PNPLA6: variants seen among roughly 807,000 people sequenced by gnomAD.
The protein encoded by PNPLA6 is patatin like domain 6, lysophospholipase.
Under a neutral mutation model 153.7 loss-of-function variants are expected in PNPLA6, and 105 were observed. The observed-to-expected ratio is 0.68, with a 90% CI of 0.58 to 0.80. PNPLA6 has a LOEUF of 0.80. Ranked by LOEUF, PNPLA6 falls within the 30% of genes least tolerant of loss-of-function variation. The pLI, the probability that PNPLA6 is intolerant of heterozygous loss-of-function variation, is 0.00. For missense variants in PNPLA6, 1,423 were observed against 1,919.3 expected, an observed-to-expected ratio of 0.74 and a Z score of 4.83; for synonymous variants, 825 against 822.2, an observed-to-expected ratio of 1.00 and a Z score of -0.06.
intron 16 of PNPLA6, 80 bp downstream of exon 16, chr19:7,550,720 A>C: frequency 2.0e-6 from 3 of 1,534,342 alleles, no homozygotes; most frequent in Non-Finnish European, 2.7e-6. Context: ...ATCCCGGGTA[A>C]TCCAGGGAGT....
chr19:7,556,981 ACGTC>A, intron 26 of PNPLA6, 183 bp from the exon 27 acceptor site: 1 of 720,564 alleles, frequency 1.4e-6, no homozygotes, highest in Non-Finnish European at 2.5e-6. Context: ...GTGTGGCGTT[ACGTC>A]CGGGCCAGCG....
intron 13 of PNPLA6, among the ~76,000 whole-genome samples, chr19:7,543,809 T>C (rs1042125828): frequency 4.6e-5 from 7 of 151,920 alleles, no homozygotes; most frequent in African/African-American, 1.7e-4. Context: ...GACTTCTTTT[T>C]TTTCTTTTTT....
chr19:7,561,127 AC>A lies in PNPLA6; in HGVS notation c.3913+23del, dbSNP rs11307097. Reference sequence around the variant, plus strand: ...GTGCTGACGGTGAGGGGCCCAGGGGACCCCCCAAGAGGGAGGGGAGTGGCTG... The same window carrying A: ...GTGCTGACGGTGAGGGGCCCAGGGGACCCCCAAGAGGGAGGGGAGTGGCTG... On this transcript the variant is annotated intron_variant, in intron 30 of 31. Transcript: ENST00000600737. 0.54 allele frequency: 868,969 copies of A among 1,597,280 alleles called. 239,373 individuals are homozygous for A. Among genetic ancestry groups the A allele is most frequent in the African/African-American group, 0.7 (52,464 of 74,684 alleles).
At chr19:7,557,377 G>A in intron 27 of PNPLA6, 93 bp downstream of exon 27, 1 of 827,692 alleles carries the variant, frequency 1.2e-6, no homozygotes, top group Non-Finnish European at 2.0e-6. Context: ...CTCGATGACG[G>A]GACACATGCC....
chr19:7,552,670 G>A (rs764335486), intron 18 of PNPLA6, among the ~76,000 whole-genome samples: 10 of 149,542 alleles, frequency 6.7e-5, no homozygotes, highest in South Asian at 4.2e-4. Context: ...CAGGAGAATC[G>A]CTTGAACCGG....
In PNPLA6 at chr19:7,561,200, G is replaced by A. The variant is rs374861157; in HGVS notation, c.3914-8G>A. On this transcript the variant is annotated splice_region_variant and splice_polypyrimidine_tract_variant and intron_variant, in intron 30 of 31. Coordinates refer to ENST00000600737, the MANE Select transcript of PNPLA6 (RefSeq NM_001166114.2). ...TCCCCTCACCTGTGCCCTGCTCCCC[G>A]ATTCCAGGAGAGGAGTCAGATTGTC... 151 of 1,603,870 alleles carry A rather than the reference G, an allele frequency of 9.4e-5. No individual in the cohort carries two copies. In the African/African-American group the frequency reaches 1.2e-3, roughly 12 times the overall value.
intron 13 of PNPLA6, among the ~76,000 whole-genome samples, chr19:7,544,425 T>C (rs1413924995): frequency 6.6e-6 from 1 of 152,200 alleles, no homozygotes; most frequent in Non-Finnish European, 1.5e-5. Context: ...TGAGACATTT[T>C]TGATTGTTAG....
chr19:7,538,559 G>T (rs1305809369), intron 3 of PNPLA6, among the ~76,000 whole-genome samples: 1 of 152,164 alleles, frequency 6.6e-6, no homozygotes, highest in South Asian at 2.1e-4. Flanking sequence ...TCTATCTCAG[G>T]GATCTTTTGC....
rs767553399 is a variant in PNPLA6 at position 7,550,646 on chromosome 19, C to T, written c.2070+6C>T. On this transcript the variant is annotated splice_donor_region_variant and intron_variant, in intron 16 of 31. Coordinates refer to ENST00000600737, the MANE Select transcript of PNPLA6 (RefSeq NM_001166114.2). ...GCGGCGACCTCATCGGCGTGGTGAG[C>T]GCGACCCCCACCCACTGACCTCTGG... 4 of 1,609,844 alleles carry T rather than the reference C, an allele frequency of 2.5e-6. No homozygotes were observed. The highest frequency in any genetic ancestry group is 3.4e-6 in the Non-Finnish European group (4 of 1,179,510).
intron 1 of PNPLA6, 50 bp from the exon 2 acceptor site, chr19:7,536,141 G>A (rs750216302): frequency 1.3e-5 from 20 of 1,521,880 alleles, no homozygotes; most frequent in Non-Finnish European, 1.8e-5. Flanking sequence ...GCTCTGGCAG[G>A]GTGGAGTCTG....
chr19:7,552,769 G>GA (rs2023710795), intron 18 of PNPLA6, among the ~76,000 whole-genome samples: 1 of 26,074 alleles, frequency 3.8e-5, no homozygotes. Flanking sequence ...AAAAAAAAAA[G>GA]AAAGAAAAAA....
chr19:7,547,508 C>A (rs492728), intron 13 of PNPLA6, among the ~76,000 whole-genome samples: 1 of 151,958 alleles, frequency 6.6e-6, no homozygotes, highest in Non-Finnish European at 1.5e-5. Flanking sequence ...TTTACTCTTA[C>A]TTTTTTTAGA....
chr19:7,539,892 C>A, intron 3 of PNPLA6, 26 bp from the exon 4 acceptor site: 4 of 1,494,486 alleles, frequency 2.7e-6, no homozygotes, highest in Non-Finnish European at 2.7e-6. Context: ...CCCCCCTCAC[C>A]CCCGGCACCC....
At chr19:7,557,022 C>A in intron 26 of PNPLA6, 146 bp from the exon 27 acceptor site, 1 of 796,642 alleles carries the variant, frequency 1.3e-6, no homozygotes. Context: ...CCTGCCCCCA[C>A]TGTGCGACCC....
chr19:7,553,064 C>A (rs2023724590), intron 18 of PNPLA6, among the ~76,000 whole-genome samples: 1 of 150,496 alleles, frequency 6.6e-6, no homozygotes, highest in Non-Finnish European at 1.5e-5. Flanking sequence ...GGGCTAGGGG[C>A]TGTGGACAGG....
At chr19:7,538,559 G>A (rs1305809369) in intron 3 of PNPLA6, among the ~76,000 whole-genome samples, 1 of 152,164 alleles carries the variant, frequency 6.6e-6, no homozygotes, top group Non-Finnish European at 1.5e-5. Context: ...TCTATCTCAG[G>A]GATCTTTTGC....
At chr19:7,545,775 G>A (rs1367762737) in intron 13 of PNPLA6, among the ~76,000 whole-genome samples, 2 of 152,024 alleles carry the variant, frequency 1.3e-5, no homozygotes, top group Non-Finnish European at 2.9e-5. Context: ...AGTCAGGCAC[G>A]ATGGCGGGCG....
chr19:7,546,298 G>C (rs1297003216), intron 13 of PNPLA6, among the ~76,000 whole-genome samples: 1 of 152,112 alleles, frequency 6.6e-6, no homozygotes, highest in Non-Finnish European at 1.5e-5. Flanking sequence ...GTTTTATTGA[G>C]CTATAATTCA....
At chr19:7,542,723 G>T in intron 11 of PNPLA6, 38 bp from the exon 12 acceptor site, 1 of 1,612,748 alleles carries the variant, frequency 6.2e-7, no homozygotes, top group Non-Finnish European at 8.5e-7. Context: ...AGGTGGCTGG[G>T]AGGGAGCATC....
Sources: gnomAD v4.1 joint callset for allele counts (sites outside exome capture counted in the v4.1 genomes callset) on GRCh38, gnomAD v4.1.1 for gene constraint, MANE v1.5 for transcripts, NCBI Gene and HGNC (gene_info 2026-07-23, HGNC 2026-07-21) for gene names.